Variants in CFD observed in about 807,000 individuals in gnomAD.
The protein encoded by CFD is complement factor D, also known as C3 convertase activator.
Under a neutral mutation model 21.1 loss-of-function variants are expected in CFD, and 24 were observed. The ratio of observed to expected loss-of-function variants is 1.14; its 90% CI spans 0.82 to 1.60. The LOEUF is 1.60. Ranked by LOEUF, CFD falls within the 40% of genes most tolerant of loss-of-function variation. CFD has a pLI of 0.00. For missense variants in CFD, 535 were observed against 383.3 expected, an observed-to-expected ratio of 1.40 and a Z score of -3.31; for synonymous variants, 242 against 175.9, an observed-to-expected ratio of 1.38 and a Z score of -2.97.
rs2230216 is a variant in CFD, at chr19:863,220, C to T, written c.744C>T (p.Ile248=). Residue 248 remains isoleucine (I), a synonymous_variant, in exon 5 of 5, where the codon ATC becomes ATT. Transcript: ENST00000327726. ...YTRVASYAAW[I]DSVLA ...GCGTGGCGAGCTATGCGGCCTGGAT[C>T]GACAGCGTCCTGGCCTAGGGTGCCG... The T allele has an allele frequency of 1.3e-6, 2 of 1,545,052 alleles. No homozygotes were observed. The highest frequency in any genetic ancestry group is 1.7e-6 in the Non-Finnish European group (2 of 1,151,632).
At chr19:861,441 G>GC (rs1260247159) in intron 3 of CFD, among the ~76,000 whole-genome samples, 4 of 125,088 alleles carry the variant, frequency 3.2e-5, no homozygotes, top group African/African-American at 6.2e-5. Context: ...TGCACTGGGA[G>GC]CCCCCCACCC....
chr19:862,970 A>C (rs2035827830), intron 4 of CFD, 122 bp from the exon 5 acceptor site: 3 of 1,058,360 alleles, frequency 2.8e-6, no homozygotes, highest in Non-Finnish European at 2.7e-6. Flanking sequence ...GTGAAGACCA[A>C]ATTAACACGG....
intron 1 of CFD, 45 bp from the exon 2 acceptor site, chr19:860,572 G>A: frequency 1.4e-6 from 2 of 1,383,562 alleles, no homozygotes; most frequent in Non-Finnish European, 1.9e-6. Flanking sequence ...CCTCGCCCGG[G>A]GGAGGAGTCC....
intron 1 of CFD, 54 bp from the exon 2 acceptor site, chr19:860,563 C>T: frequency 7.3e-7 from 1 of 1,368,438 alleles, no homozygotes; most frequent in Non-Finnish European, 9.4e-7. Flanking sequence ...GTCAGGCAGC[C>T]TCGCCCGGGG....
In CFD at chr19:863,473, G is replaced by C; in HGVS notation, c.*235G>C. 1 of 579,278 alleles carries C rather than the reference G, an allele frequency of 1.7e-6. No homozygotes were observed. Among genetic ancestry groups the C allele is most frequent in the Admixed American group, 2.8e-5 (1 of 36,168 alleles). The allele number at this position is 579,278 out of a possible 1,614,324, so 35.9% of individuals were successfully genotyped here. ...GGGCAATTGGCGGGCATGGAGGTGG[G>C]TGCTTGTAGTTCCAGCTACTCAGGA... is the stretch of plus-strand genomic sequence containing the variant. On this transcript the variant is annotated 3_prime_UTR_variant, in exon 5 of 5. Transcript: ENST00000327726.
In CFD at chr19:863,033, A is replaced by T. The variant is rs936698579; in HGVS notation, c.616-59A>T. 3.3e-5 allele frequency: 49 copies of T among 1,463,248 alleles called. No homozygotes were observed. In the African/African-American group the frequency reaches 6.2e-4, roughly 18 times the overall value. The allele number at this position is 1,463,248 out of a possible 1,614,324, so 90.6% of individuals were successfully genotyped here. On this transcript the variant is annotated intron_variant, in intron 4 of 4. Coordinates refer to ENST00000327726, the MANE Select transcript of CFD (RefSeq NM_001928.4). The stretch of plus-strand genomic sequence containing the variant: ...GAGCGGCAGCCAGGTGAGGGGGTCT[A>T]ACACGTGAGGCCGGGGTGGGCGCGG...
chr19:859,873 G>A (rs1468278928), intron 1 of CFD, 129 bp downstream of exon 1: 1 of 658,554 alleles, frequency 1.5e-6, no homozygotes, highest in South Asian at 1.7e-5. Context: ...ACTAATGGAA[G>A]GCTCTGAACG....
intron 4 of CFD, 111 bp from the exon 5 acceptor site, chr19:862,981 G>C (rs2035828015): frequency 9.1e-7 from 1 of 1,101,894 alleles, no homozygotes; most frequent in Admixed American, 2.6e-5. Flanking sequence ...ATTAACACGG[G>C]AGGGATGAGC....
intron 1 of CFD, among the ~76,000 whole-genome samples, chr19:860,025 C>CATTT (rs1479285080): frequency 1.3e-5 from 2 of 152,092 alleles, no homozygotes; most frequent in African/African-American, 2.4e-5. Flanking sequence ...GGGTCAGCCC[C>CATTT]ATTTCTCTTA....
At chr19:862,982 AGGGATGAGCGAGCATTGTGGGGC>A (rs1387348555) in intron 4 of CFD, 87 bp from the exon 5 acceptor site, 36 of 1,099,068 alleles carry the variant, frequency 3.3e-5, no homozygotes, top group Non-Finnish European at 4.6e-5. Flanking sequence ...TTAACACGGG[AGGGATGAGCGAGCATTGTGGGGC>A]GGGAGCGGCA....
Position 860,780 on chromosome 19 carries a change from G to A in CFD, c.212+7G>A. ...CGCACTGCCTGGAGGACGCGTGAGTGCCCGCGCCGCGCGGGGGAAGAGCCC... is the reference window on the plus strand; with the variant it reads ...CGCACTGCCTGGAGGACGCGTGAGTACCCGCGCCGCGCGGGGGAAGAGCCC... On this transcript the variant is annotated splice_region_variant and intron_variant, in intron 2 of 4. Transcript: ENST00000327726. 1 of 1,562,850 alleles carries A rather than the reference G, an allele frequency of 6.4e-7. No homozygotes were observed. The highest frequency in any genetic ancestry group is 8.6e-7 in the Non-Finnish European group (1 of 1,163,086).
At chr19:860,021 G>C (rs2035762111) in intron 1 of CFD, among the ~76,000 whole-genome samples, 1 of 152,104 alleles carries the variant, frequency 6.6e-6, no homozygotes, top group Non-Finnish European at 1.5e-5. Context: ...GGCTGGGTCA[G>C]CCCCATTTCT....
intron 1 of CFD, among the ~76,000 whole-genome samples, chr19:860,040 C>T (rs1193130580): frequency 6.6e-6 from 1 of 152,106 alleles, no homozygotes; most frequent in Non-Finnish European, 1.5e-5. Context: ...CTCTTATGTC[C>T]AACTGGAAGG....
chr19:861,480 T>C (rs2035793236), intron 3 of CFD, among the ~76,000 whole-genome samples: 1 of 121,262 alleles, frequency 8.2e-6, no homozygotes, highest in Non-Finnish European at 1.7e-5. Flanking sequence ...CCATCCCGGT[T>C]CCAGCCTCGA....
At position 859,735 on chromosome 19, in the gene CFD, G is replaced by A. The variant is rs867133169; in HGVS notation, c.46G>A (p.Ala16Thr). The A allele has an allele frequency of 2.5e-6, 4 of 1,571,122 alleles. No homozygotes were observed. Among genetic ancestry groups the A allele is most frequent in the African/African-American group, 1.3e-5 (1 of 74,262 alleles). ...GGCAGTTCTGGTCCTCCTAGGAGCG[G>A]CCGCCTGCGGTGAGGAGGCCTGGGC... ...RLAVLVLLGA[A>T]ACAAPPRGRI... Residue 16 changes from alanine to threonine, a missense_variant, in exon 1 of 5, where the codon GCC (alanine) becomes ACC (threonine). By Grantham distance (58) the Ala-to-Thr change is moderately conservative. Transcript: ENST00000327726.
chr19:862,480 G>C (rs1303112712), intron 4 of CFD, among the ~76,000 whole-genome samples: 1 of 142,740 alleles, frequency 7.0e-6, no homozygotes. Flanking sequence ...GAGGTATAGG[G>C]GGCGGGCACG....
intron 4 of CFD, 64 bp from the exon 5 acceptor site, chr19:863,028 G>C: frequency 6.9e-7 from 1 of 1,446,600 alleles, no homozygotes; most frequent in Non-Finnish European, 9.2e-7. Flanking sequence ...CAGGTGAGGG[G>C]GTCTAACACG....
chr19:861,803 C>T lies in CFD; in HGVS notation c.462C>T (p.Gly154=). 2 of 1,604,176 alleles carry T rather than the reference C, an allele frequency of 1.2e-6. No homozygotes were observed. The highest frequency in any genetic ancestry group is 8.5e-7 in the Non-Finnish European group (1 of 1,179,176). The change falls in exon 4 of 5, where the codon GGC becomes GGT. Residue 154 remains glycine, a synonymous_variant. Transcript: ENST00000327726. The stretch of plus-strand genomic sequence containing the variant: ...CTCTCTGCGACGTGGCCGGCTGGGG[C>T]ATAGTCAACCACGCGGGCCGCCGCC... ...PGTLCDVAGW[G]IVNHAGRRPD...
intron 4 of CFD, 94 bp downstream of exon 4, chr19:862,050 G>C: frequency 7.2e-7 from 1 of 1,381,054 alleles, no homozygotes; most frequent in South Asian, 1.3e-5. Flanking sequence ...TAGGAACAGG[G>C]CCCAGGGAAG....
Sources: allele counts gnomAD v4.1 joint callset (sites outside exome capture counted in the v4.1 genomes callset), GRCh38; gene constraint gnomAD v4.1.1; transcripts MANE v1.5; gene names NCBI Gene and HGNC (gene_info 2026-07-23, HGNC 2026-07-21).